CATSPERE: variants seen among roughly 807,000 people sequenced by gnomAD.
CATSPERE encodes the protein catsper channel auxiliary subunit epsilon.
Under a neutral mutation model 114.1 loss-of-function variants are expected in CATSPERE, and 93 were observed. That is an observed-to-expected ratio of 0.81 (90% CI 0.69 to 0.97). CATSPERE has a LOEUF of 0.97. Ranked by LOEUF, CATSPERE falls within the 50% of genes least tolerant of loss-of-function variation. The pLI is 0.00. For missense variants in CATSPERE, 1,058 were observed against 1,131.6 expected, an observed-to-expected ratio of 0.93 and a Z score of 0.93; for synonymous variants, 341 against 384.1, an observed-to-expected ratio of 0.89 and a Z score of 1.31.
chr1:244,553,760 G>T (rs1231783483), intron 9 of CATSPERE, among the ~76,000 whole-genome samples: 1 of 151,518 alleles, frequency 6.6e-6, no homozygotes, highest in African/African-American at 2.4e-5. Context: ...TAAAACATTA[G>T]AACTTATTCT....
At chr1:244,563,477 T>C (rs1052077818) in intron 10 of CATSPERE, among the ~76,000 whole-genome samples, 1 of 152,254 alleles carries the variant, frequency 6.6e-6, no homozygotes, top group Non-Finnish European at 1.5e-5. Flanking sequence ...TGAGACGGTA[T>C]GTCATTGTGG....
chr1:244,568,904 A>G lies in CATSPERE; in HGVS notation c.1508-3426A>G, dbSNP rs562411846. Among the ~76,000 whole-genome samples the G allele has an allele frequency of 2.5e-4, 38 of 152,164 alleles. No homozygotes were observed. Among genetic ancestry groups the G allele is most frequent in the African/African-American group, 9.2e-4 (38 of 41,508 alleles). On this transcript the variant is annotated intron_variant, in intron 10 of 21. Transcript: ENST00000366534. This position sits in a 1 kb window ranked among gnomAD's most constrained non-coding sequence, Gnocchi z 4.4. ...CACTGGGGTATGAAAAAAAACAAAA[A>G]CAAAAACAAAGACAAAAAACTCCTG...
At chr1:244,470,680 A>G (rs1423568479) in intron 2 of CATSPERE, among the ~76,000 whole-genome samples, 2 of 152,220 alleles carry the variant, frequency 1.3e-5, no homozygotes, top group African/African-American at 4.8e-5. Flanking sequence ...AAGAGAAATG[A>G]AAATATAATG....
chr1:244,528,460 ATTGT>A (rs1314862899), intron 8 of CATSPERE, among the ~76,000 whole-genome samples: 1 of 152,178 alleles, frequency 6.6e-6, no homozygotes, highest in African/African-American at 2.4e-5. Context: ...TAAATAGTAC[ATTGT>A]TTAGTACTGG....
At chr1:244,472,436 A>G (rs1336906569) in intron 2 of CATSPERE, among the ~76,000 whole-genome samples, 3 of 152,032 alleles carry the variant, frequency 2.0e-5, no homozygotes, top group Non-Finnish European at 4.4e-5. Context: ...TTCCTGGTAT[A>G]CCTTTGCCCA....
intron 8 of CATSPERE, among the ~76,000 whole-genome samples, chr1:244,530,081 G>A (rs1403297626): frequency 2.6e-5 from 4 of 152,044 alleles, no homozygotes; most frequent in Admixed American, 6.6e-5. Flanking sequence ...CGAGTAGCTG[G>A]GATTACAAGT....
Position 244,583,932 on chromosome 1 carries a change from C to T in CATSPERE, c.2078C>T (p.Ala693Val). The T allele has an allele frequency of 1.2e-6, 2 of 1,613,954 alleles. No individual in the cohort carries two copies. Among genetic ancestry groups the T allele is most frequent in the African/African-American group, 1.3e-5 (1 of 75,010 alleles). Residue 693 changes from alanine to valine, a missense_variant, in exon 13 of 22, where the codon GCC (alanine) becomes GTC (valine). This residue lies in a region of CATSPERE where 787 missense variants were observed against 905.6 expected (regional missense o/e 0.87). Coordinates refer to ENST00000366534, the MANE Select transcript of CATSPERE (RefSeq NM_001130957.2). ...GAATATTCAAAAGCATGTCCAATAG[C>T]CCAAAAGGTAAGCGACATGGGCTGA... ...PSEYSKACPI[A>V]QKVFQIAVGC...
At chr1:244,625,401 ATTATTT>A (rs1463493989) in intron 20 of CATSPERE, among the ~76,000 whole-genome samples, 7 of 46,370 alleles carry the variant, frequency 1.5e-4, no homozygotes, top group Non-Finnish European at 2.4e-4. Flanking sequence ...TATTATTATT[ATTATTT>A]ATATATATAT....
chr1:244,568,936 G>A lies in CATSPERE; in HGVS notation c.1508-3394G>A, dbSNP rs547389842. Among the ~76,000 whole-genome samples, 2 of 152,304 alleles carry A rather than the reference G, an allele frequency of 1.3e-5. No individual in the cohort carries two copies. Among genetic ancestry groups the A allele is most frequent in the Non-Finnish European group, 2.9e-5 (2 of 68,040 alleles). On this transcript the variant is annotated intron_variant, in intron 10 of 21. Coordinates refer to ENST00000366534, the MANE Select transcript of CATSPERE (RefSeq NM_001130957.2). The surrounding 1 kb of genome is among the most constrained non-coding windows in gnomAD (Gnocchi z 4.4). ...CAAAGACAAAAAACTCCTGCAGCTA[G>A]CCTGGTGTCTGCCCAAACGGCTGCC...
At chr1:244,489,949 A>G (rs1333554138) in intron 5 of CATSPERE, among the ~76,000 whole-genome samples, 1 of 152,200 alleles carries the variant, frequency 6.6e-6, no homozygotes, top group Non-Finnish European at 1.5e-5. Context: ...ATAGATTAGC[A>G]CTGAGTATTA....
At chr1:244,510,822 TCTTTTTC>T (rs1675587844) in intron 7 of CATSPERE, among the ~76,000 whole-genome samples, 1 of 142,744 alleles carries the variant, frequency 7.0e-6, no homozygotes, top group South Asian at 2.2e-4. Context: ...CTTTTTTTTT[TCTTTTTC>T]TTTTTCTTTT....
intron 6 of CATSPERE, among the ~76,000 whole-genome samples, chr1:244,490,838 T>C (rs1671983086): frequency 6.6e-6 from 1 of 152,170 alleles, no homozygotes; most frequent in African/African-American, 2.4e-5. Context: ...ATAGTTATTT[T>C]TCATAAAAAT....
intron 2 of CATSPERE, among the ~76,000 whole-genome samples, chr1:244,474,998 A>T (rs1669084836): frequency 6.6e-6 from 1 of 151,636 alleles, no homozygotes; most frequent in African/African-American, 2.4e-5. Context: ...ATTATTGATT[A>T]TTGTCCAGTG....
intron 7 of CATSPERE, 151 bp from the exon 8 acceptor site, chr1:244,518,441 G>T (rs2148359710): frequency 1.8e-6 from 1 of 551,498 alleles, no homozygotes; most frequent in East Asian, 3.3e-5. Context: ...CTATAAGGTA[G>T]AAAGAACAAA....
At chr1:244,618,970 T>G (rs1200104709) in intron 20 of CATSPERE, among the ~76,000 whole-genome samples, 1 of 152,148 alleles carries the variant, frequency 6.6e-6, no homozygotes, top group African/African-American at 2.4e-5. Flanking sequence ...TAGTTTCATG[T>G]TTTCTAGGCC....
intron 8 of CATSPERE, among the ~76,000 whole-genome samples, chr1:244,540,308 AG>A (rs1388821951): frequency 1.6e-5 from 2 of 123,686 alleles, no homozygotes; most frequent in Admixed American, 1.8e-4. Context: ...ACTTCAGCAA[AG>A]TCTCAGGATA....
chr1:244,477,517 T>A (rs747221438), intron 2 of CATSPERE, 24 bp from the exon 3 acceptor site: 1 of 1,381,592 alleles, frequency 7.2e-7, no homozygotes, highest in Non-Finnish European at 1.0e-6. Flanking sequence ...TATTTTTTGT[T>A]CGAACTCTTG....
intron 2 of CATSPERE, among the ~76,000 whole-genome samples, chr1:244,471,235 C>G (rs3003206): frequency 0.24 from 36,137 of 152,008 alleles, 5,071 homozygotes; most frequent in East Asian, 0.49. Context: ...AATAATCATT[C>G]CTTAATGTCA....
chr1:244,622,183 A>G (rs2148722224), intron 20 of CATSPERE, among the ~76,000 whole-genome samples: 1 of 152,292 alleles, frequency 6.6e-6, no homozygotes, highest in Admixed American at 6.5e-5. Context: ...TTATGTAATA[A>G]AAGACTAGGG....
Sources: gnomAD v4.1 joint callset for allele counts (sites outside exome capture counted in the v4.1 genomes callset) on GRCh38, gnomAD v4.1.1 for gene constraint, gnomAD v4.1.1 regional missense constraint, Gnocchi (gnomAD v3.1) non-coding constraint, MANE v1.5 for transcripts, NCBI Gene and HGNC (gene_info 2026-07-23, HGNC 2026-07-21) for gene names.